DIAPH3: variants seen among roughly 807,000 people sequenced by gnomAD.
DIAPH3 encodes protein diaphanous homolog 3.
A neutral mutation model predicts 144.3 loss-of-function variants in DIAPH3; 117 were observed. That is an observed-to-expected ratio of 0.81 (90% confidence interval 0.70 to 0.95). The LOEUF is 0.95. Ranked by LOEUF, DIAPH3 falls within the 40% of genes least tolerant of loss-of-function variation. DIAPH3 has a pLI of 0.00. For missense variants in DIAPH3, 1,421 were observed against 1,412.7 expected, an observed-to-expected ratio of 1.01 and a Z score of -0.09; for synonymous variants, 519 against 488.9, an observed-to-expected ratio of 1.06 and a Z score of -0.81.
intron 1 of DIAPH3, chr13:60,144,871 T>G (rs1299598677): frequency 6.6e-6 from 1 of 152,242 alleles, no homozygotes; most frequent in African/African-American, 2.4e-5. Flanking sequence ...GAGGTGCTAC[T>G]CTTGTGTATC....
intron 27 of DIAPH3, among the ~76,000 whole-genome samples, chr13:59,732,577 G>A (rs897997808): frequency 6.6e-6 from 1 of 151,604 alleles, no homozygotes; most frequent in Non-Finnish European, 1.5e-5. Flanking sequence ...ATGTAGCTGG[G>A]ACTACAGGCG....
chr13:59,861,689 G>A (rs951558867), intron 21 of DIAPH3, among the ~76,000 whole-genome samples, 153 bp from the exon 22 acceptor site: 3 of 152,054 alleles, frequency 2.0e-5, no homozygotes, highest in African/African-American at 4.8e-5. Flanking sequence ...TTAAATACTC[G>A]AAAAACTACT....
chr13:59,694,756 A>T (rs760419616), intron 27 of DIAPH3, among the ~76,000 whole-genome samples: 9 of 152,184 alleles, frequency 5.9e-5, no homozygotes, highest in African/African-American at 1.4e-4. Context: ...GTAGAATGAA[A>T]CAAAGTTGTT....
At chr13:59,766,765 TC>T (rs1326790760) in intron 27 of DIAPH3, among the ~76,000 whole-genome samples, 1 of 151,134 alleles carries the variant, frequency 6.6e-6, no homozygotes, top group Admixed American at 6.6e-5. Flanking sequence ...TCCTACTTTT[TC>T]TTTTCTTCAT....
At chr13:60,092,371 G>C (rs2057965809) in intron 4 of DIAPH3, among the ~76,000 whole-genome samples, 1 of 152,178 alleles carries the variant, frequency 6.6e-6, no homozygotes, top group Non-Finnish European at 1.5e-5. Flanking sequence ...GCTAAAAAAA[G>C]GCCGGGCGCA....
chr13:59,718,456 A>C (rs928309452), intron 27 of DIAPH3, among the ~76,000 whole-genome samples: 12 of 152,158 alleles, frequency 7.9e-5, no homozygotes, highest in Non-Finnish European at 1.3e-4. Context: ...AATTATAAAC[A>C]CCAGAATGTT....
rs146253542 is a variant in DIAPH3 at position 59,954,234 on chromosome 13, T to A, written c.2074+15710A>T. Among the ~76,000 whole-genome samples, 74 of 152,334 alleles carry A rather than the reference T, an allele frequency of 4.9e-4. 2 individuals carry two copies. In the East Asian group the frequency reaches 0.013, roughly 28 times the overall value. ...GACAGACAGAGTTTTAACTTTTGAG[T>A]CTCACCCTCTTACATTAAAATAAGG... On this transcript the variant is annotated intron_variant, in intron 17 of 27. Transcript: ENST00000400324.
intron 23 of DIAPH3, chr13:59,838,594 C>CT (rs1297707183): frequency 6.6e-6 from 1 of 152,082 alleles, no homozygotes; most frequent in Non-Finnish European, 1.5e-5. Context: ...GTTAAGCTGA[C>CT]TAGTTAAACA....
chr13:59,974,593 G>A, intron 14 of DIAPH3, 137 bp from the exon 15 acceptor site: 1 of 799,132 alleles, frequency 1.3e-6, no homozygotes, highest in Non-Finnish European at 2.0e-6. Context: ...GAGTGATAGA[G>A]TTTTGAAAAG....
intron 1 of DIAPH3, among the ~76,000 whole-genome samples, chr13:60,143,831 T>C (rs1023186557): frequency 3.9e-5 from 6 of 152,142 alleles, no homozygotes; most frequent in Admixed American, 3.9e-4. Context: ...GGCAGTTTCC[T>C]AATGCCATCC....
In DIAPH3 at chr13:59,992,159, G is replaced by C. The variant is rs1483791634; in HGVS notation, c.1153C>G (p.Leu385Val). The C allele has an allele frequency of 1.7e-5, 27 of 1,611,226 alleles. No homozygotes were observed. Among genetic ancestry groups the C allele is most frequent in the African/African-American group, 2.7e-5 (2 of 74,690 alleles). ...PNLKCIKNDGLDIQLKVFDEH... is the reference protein window; with the variant it reads ...PNLKCIKNDGVDIQLKVFDEH... ...TCAAAGACTTTAAGTTGGATATCCA[G>C]GCCATCATTCTTAATGCATTTTAAA... is the stretch of plus-strand genomic sequence containing the variant. Residue 385 changes from leucine (L) to valine (V), a missense_variant, in exon 11 of 28, where the codon CTG becomes GTG. Leu to Val is a conservative substitution (Grantham distance 32). Transcript: ENST00000400324.
At chr13:59,923,784 G>A (rs961584546) in intron 18 of DIAPH3, among the ~76,000 whole-genome samples, 2 of 152,122 alleles carry the variant, frequency 1.3e-5, no homozygotes, top group African/African-American at 2.4e-5. Flanking sequence ...ACTATCCATG[G>A]GGATCTTGGC....
chr13:59,758,020 T>C (rs1295506975), intron 27 of DIAPH3, among the ~76,000 whole-genome samples: 1 of 152,094 alleles, frequency 6.6e-6, no homozygotes, highest in African/African-American at 2.4e-5. Flanking sequence ...AATAAGCCTA[T>C]GAAAAGGTAC....
At chr13:60,020,843 A>C (rs1164564453) in intron 5 of DIAPH3, 1 of 152,248 alleles carries the variant, frequency 6.6e-6, no homozygotes, top group Non-Finnish European at 1.5e-5. Flanking sequence ...GTGCTCTGGG[A>C]ACAGAAGGTA....
At chr13:59,725,764 A>AGTG (rs1304162424) in intron 27 of DIAPH3, among the ~76,000 whole-genome samples, 1 of 152,206 alleles carries the variant, frequency 6.6e-6, no homozygotes, top group African/African-American at 2.4e-5. Flanking sequence ...TGACTTCCCT[A>AGTG]GTGGTAGAAC....
intron 27 of DIAPH3, among the ~76,000 whole-genome samples, chr13:59,679,375 C>T (rs2032816170): frequency 6.6e-6 from 1 of 152,130 alleles, no homozygotes; most frequent in African/African-American, 2.4e-5. Flanking sequence ...CCCCCTCTTT[C>T]CCTTTACTGC....
intron 1 of DIAPH3, among the ~76,000 whole-genome samples, chr13:60,134,644 G>A (rs896097429): frequency 2.0e-5 from 3 of 151,970 alleles, no homozygotes; most frequent in African/African-American, 7.3e-5. Context: ...ACAATCAGAG[G>A]TATCACTCCA....
At chr13:59,919,814 T>C (rs1162359202) in intron 18 of DIAPH3, among the ~76,000 whole-genome samples, 1 of 151,986 alleles carries the variant, frequency 6.6e-6, no homozygotes, top group Non-Finnish European at 1.5e-5. Context: ...AAAGGGAGAA[T>C]AGAGGACAAA....
intron 1 of DIAPH3, among the ~76,000 whole-genome samples, chr13:60,151,608 G>T (rs1348000417): frequency 6.6e-6 from 1 of 152,178 alleles, no homozygotes; most frequent in African/African-American, 2.4e-5. Flanking sequence ...ACTTTGTTTT[G>T]ATTTTCAATT....
Sources: gnomAD v4.1 joint callset for allele counts (sites outside exome capture counted in the v4.1 genomes callset) on GRCh38, gnomAD v4.1.1 for gene constraint, MANE v1.5 for transcripts, NCBI Gene and HGNC (gene_info 2026-07-23, HGNC 2026-07-21) for gene names.